Variants in EPS15 observed in about 807,000 individuals in gnomAD.
EPS15 encodes epidermal growth factor receptor pathway substrate 15.
A neutral mutation model predicts 113.8 loss-of-function variants in EPS15; 72 were observed. The ratio of observed to expected loss-of-function variants is 0.63; its 90% CI spans 0.52 to 0.77. The LOEUF is 0.77. EPS15 is among the 30% of genes least tolerant of loss of function. EPS15 has a pLI of 0.00. For missense variants in EPS15, 1,048 were observed against 1,045.8 expected (o/e 1.00, Z -0.03); for synonymous variants, 344 against 363.4 (o/e 0.95, Z 0.61).
At chr1:51,403,974 G>C (rs1648840841) in intron 16 of EPS15, among the ~76,000 whole-genome samples, 1 of 152,094 alleles carries the variant, frequency 6.6e-6, no homozygotes, top group Non-Finnish European at 1.5e-5. Context: ...GGATGTGATC[G>C]TGACCCTTCT....
chr1:51,392,152 C>T (rs961862982), intron 21 of EPS15, among the ~76,000 whole-genome samples: 2 of 152,106 alleles, frequency 1.3e-5, no homozygotes, highest in East Asian at 1.9e-4. Context: ...GAAAGAATGA[C>T]CAAAGAGGCA....
chr1:51,432,744 T>A (rs996293566), intron 12 of EPS15, among the ~76,000 whole-genome samples: 6 of 152,154 alleles, frequency 3.9e-5, no homozygotes, highest in Admixed American at 1.3e-4. Context: ...GGTTTTCAAG[T>A]AAGGAGAGTC....
intron 21 of EPS15, among the ~76,000 whole-genome samples, chr1:51,383,007 C>T (rs1166290738): frequency 6.6e-6 from 1 of 152,136 alleles, no homozygotes; most frequent in Admixed American, 6.5e-5. Flanking sequence ...AATTCAACAG[C>T]ACATTAAAGG....
At chr1:51,461,514 T>A (rs944624749) in intron 7 of EPS15, among the ~76,000 whole-genome samples, 1 of 133,786 alleles carries the variant, frequency 7.5e-6, no homozygotes, top group African/African-American at 2.9e-5. Flanking sequence ...AGCTAGACAC[T>A]GTTTCTTAAA....
chr1:51,517,720 C>G (rs976217725), intron 1 of EPS15, among the ~76,000 whole-genome samples: 1 of 147,544 alleles, frequency 6.8e-6, no homozygotes, highest in Non-Finnish European at 1.5e-5. Context: ...CCACCACATT[C>G]CATGTTAAAG....
chr1:51,364,230 A>G (rs546591331), intron 22 of EPS15, among the ~76,000 whole-genome samples: 132 of 152,326 alleles, frequency 8.7e-4, no homozygotes, highest in African/African-American at 3.1e-3. Context: ...TGATTCTAAC[A>G]TCATTACTTA....
intron 21 of EPS15, among the ~76,000 whole-genome samples, chr1:51,366,806 G>T (rs998223381): frequency 6.6e-5 from 10 of 151,676 alleles, no homozygotes; most frequent in African/African-American, 2.4e-4. Context: ...ACTTCCCACA[G>T]CAAGAAGTAA....
chr1:51,517,664 T>C (rs910559588), intron 1 of EPS15, among the ~76,000 whole-genome samples: 1 of 152,126 alleles, frequency 6.6e-6, no homozygotes, highest in Non-Finnish European at 1.5e-5. Context: ...TTGTTCAAAT[T>C]TGAGTTTTGG....
At chr1:51,425,452 C>T (rs537478292) in intron 12 of EPS15, among the ~76,000 whole-genome samples, 21 of 152,298 alleles carry the variant, frequency 1.4e-4, no homozygotes, top group African/African-American at 5.1e-4. Context: ...TTCCCAGAAA[C>T]ACAGTTTTAT....
chr1:51,400,719 A>G (rs1648444190), intron 19 of EPS15, among the ~76,000 whole-genome samples, 199 bp downstream of exon 19: 1 of 139,998 alleles, frequency 7.1e-6, no homozygotes, highest in Non-Finnish European at 1.6e-5. Context: ...CACCAAAAAA[A>G]AAAAAAAAAA....
Position 51,391,455 on chromosome 1 carries a change from T to TAATAAAATAAAATAA in EPS15, c.2119+2911_2119+2925dup, listed in dbSNP as rs57219279. 6.1e-3 allele frequency among the ~76,000 whole-genome samples: 912 copies of TAATAAAATAAAATAA among 148,344 alleles called. 8 individuals are homozygous for TAATAAAATAAAATAA. The highest frequency in any genetic ancestry group is 0.021 in the African/African-American group (842 of 40,372). On this transcript the variant is annotated intron_variant, in intron 21 of 24. Coordinates refer to ENST00000371733, the MANE Select transcript of EPS15 (RefSeq NM_001981.3). Reference sequence around the variant, plus strand: ...ATTGTGCACATGTACCCTAAAACTTTAATAAAATAAAATAAAATAAAATAA... The same window carrying TAATAAAATAAAATAA: ...ATTGTGCACATGTACCCTAAAACTTTAATAAAATAAAATAAAATAAAATAAAATAAAATAAAATAA...
intron 1 of EPS15, among the ~76,000 whole-genome samples, chr1:51,503,120 G>A (rs1008556880): frequency 6.6e-6 from 1 of 151,072 alleles, no homozygotes; most frequent in African/African-American, 2.4e-5. Flanking sequence ...AAAACTACAA[G>A]ACACTGAACA....
chr1:51,442,124 A>T (rs1313000215), intron 11 of EPS15, among the ~76,000 whole-genome samples: 1 of 152,140 alleles, frequency 6.6e-6, no homozygotes, highest in Admixed American at 6.5e-5. Context: ...AAAACTTATC[A>T]GTGTTAAATT....
intron 1 of EPS15, among the ~76,000 whole-genome samples, chr1:51,500,190 T>C (rs1280231386): frequency 6.6e-6 from 1 of 152,246 alleles, no homozygotes; most frequent in African/African-American, 2.4e-5. Context: ...TACTCATTCA[T>C]CTGTCAAAGG....
chr1:51,394,387 C>G lies in EPS15; in HGVS notation c.2113G>C (p.Asp705His), dbSNP rs183838419. ...TGATAAATTATTTATTTACCTGAATCGCTTGCTGCAACAACTGTTCCACCA... is the reference window on the plus strand; with the variant it reads ...TGATAAATTATTTATTTACCTGAATGGCTTGCTGCAACAACTGTTCCACCA... ...APGGTVVAAS[D>H]SATDPFASVF... Residue 705 changes from aspartate (D) to histidine (H), a missense_variant, in exon 21 of 25, where the codon GAT (aspartate) becomes CAT (histidine). Transcript: ENST00000371733. The G allele has an allele frequency of 5.7e-6, 9 of 1,592,376 alleles. No homozygotes were observed. Among genetic ancestry groups the G allele is most frequent in the Non-Finnish European group, 7.7e-6 (9 of 1,165,676 alleles).
At chr1:51,466,710 T>A (rs891143213) in intron 5 of EPS15, among the ~76,000 whole-genome samples, 3 of 151,240 alleles carry the variant, frequency 2.0e-5, no homozygotes, top group South Asian at 4.2e-4. Flanking sequence ...TTAAAAAAAA[T>A]TTAACCTGAC....
chr1:51,512,869 G>A lies in EPS15; in HGVS notation c.33+6330C>T, dbSNP rs1371616750. Among the ~76,000 whole-genome samples the A allele has an allele frequency of 3.0e-5, 4 of 132,966 alleles. No homozygotes were observed. In the Admixed American group the frequency reaches 3.2e-4, roughly 11 times the overall value. 87.2% of individuals were successfully genotyped at this position (132,966 alleles called of 152,430 possible). A position where few individuals can be genotyped will look rare whatever the true frequency, so the allele number is the denominator to read the frequency against. On this transcript the variant is annotated intron_variant, in intron 1 of 24. Coordinates refer to ENST00000371733, the MANE Select transcript of EPS15 (RefSeq NM_001981.3). The stretch of plus-strand genomic sequence containing the variant: ...TTTTTTTTTTTTTTTTTTTTTTGGA[G>A]ACAGGGTCTTAGCTCTGTCACCTAG...
intron 1 of EPS15, among the ~76,000 whole-genome samples, chr1:51,509,928 A>T (rs1452122895): frequency 1.3e-5 from 2 of 152,224 alleles, no homozygotes; most frequent in African/African-American, 2.4e-5. Context: ...CATTCAATCA[A>T]TATCCGAGTT....
chr1:51,357,418 ATATATATATTTT>A (rs1327185173), intron 24 of EPS15, among the ~76,000 whole-genome samples: 888 of 68,924 alleles, frequency 0.013, 10 homozygotes, highest in Non-Finnish European at 0.016. Flanking sequence ...ATATATATAT[ATATATATATTTT>A]TTTTTTTTAA....
Sources: gnomAD v4.1 joint callset for allele counts (sites outside exome capture counted in the v4.1 genomes callset) on GRCh38, gnomAD v4.1.1 for gene constraint, MANE v1.5 for transcripts, NCBI Gene and HGNC (gene_info 2026-07-23, HGNC 2026-07-21) for gene names.